The following VTI1A variants were observed in gnomAD, a reference collection of about 807,000 sequenced individuals.
The protein encoded by VTI1A is vesicle transport through interaction with t-SNAREs 1A.
In VTI1A, 22 loss-of-function variants were observed where a neutral mutation model predicts 34.9. The observed-to-expected ratio is 0.63, with a 90% CI of 0.45 to 0.90. The LOEUF is 0.90. Ranked by LOEUF, VTI1A falls within the 40% of genes least tolerant of loss-of-function variation. VTI1A has a pLI of 0.00. For missense variants in VTI1A, 268 were observed against 275.6 expected (o/e 0.97, Z 0.20); for synonymous variants, 87 against 97.3 (o/e 0.89, Z 0.62).
At chr10:112,734,476 T>C (rs1850383907) in intron 7 of VTI1A, among the ~76,000 whole-genome samples, 3 of 152,086 alleles carry the variant, frequency 2.0e-5, no homozygotes, top group Admixed American at 2.0e-4. Flanking sequence ...GAATTCCTCC[T>C]TTCTCCCTAA....
chr10:112,631,281 A>G (rs990918141), intron 5 of VTI1A, among the ~76,000 whole-genome samples: 2 of 152,212 alleles, frequency 1.3e-5, no homozygotes, highest in Admixed American at 6.5e-5. Flanking sequence ...CACGTAATAG[A>G]AAATTAACCA....
intron 3 of VTI1A, among the ~76,000 whole-genome samples, chr10:112,471,585 T>C (rs1221019622): frequency 6.6e-6 from 1 of 152,060 alleles, no homozygotes; most frequent in African/African-American, 2.4e-5. Flanking sequence ...TAAGCACCCG[T>C]TTTAATGTTC....
intron 5 of VTI1A, among the ~76,000 whole-genome samples, chr10:112,585,703 T>A (rs2134414076): frequency 7.3e-6 from 1 of 137,078 alleles, no homozygotes; most frequent in South Asian, 2.5e-4. Flanking sequence ...ACATACACCC[T>A]CGCCGCCTCT....
chr10:112,628,671 G>A (rs1187287528), intron 5 of VTI1A, among the ~76,000 whole-genome samples: 1 of 151,916 alleles, frequency 6.6e-6, no homozygotes, highest in African/African-American at 2.4e-5. Flanking sequence ...TCCTAGTATT[G>A]GATCATCCAT....
intron 7 of VTI1A, among the ~76,000 whole-genome samples, chr10:112,795,705 T>C (rs1164038475): frequency 6.6e-6 from 1 of 152,100 alleles, no homozygotes; most frequent in Non-Finnish European, 1.5e-5. Flanking sequence ...CCAAAGTGCT[T>C]AATTACAGGC....
At chr10:112,628,069 T>C (rs1380144746) in intron 5 of VTI1A, among the ~76,000 whole-genome samples, 1 of 152,126 alleles carries the variant, frequency 6.6e-6, no homozygotes, top group African/African-American at 2.4e-5. Flanking sequence ...AAAAATAAAA[T>C]TCTATTACAT....
At chr10:112,799,715 T>C (rs549425157) in intron 7 of VTI1A, among the ~76,000 whole-genome samples, 2 of 152,118 alleles carry the variant, frequency 1.3e-5, no homozygotes, top group Admixed American at 6.5e-5. Flanking sequence ...AGAGTTCACC[T>C]GCGCAGATCT....
At chr10:112,788,261 T>A (rs765258974) in intron 7 of VTI1A, among the ~76,000 whole-genome samples, 1 of 152,126 alleles carries the variant, frequency 6.6e-6, no homozygotes, top group Non-Finnish European at 1.5e-5. Flanking sequence ...TCTCTGAGTA[T>A]AATTGTTGAA....
chr10:112,507,393 T>C (rs967384562), intron 3 of VTI1A, among the ~76,000 whole-genome samples: 1 of 152,206 alleles, frequency 6.6e-6, no homozygotes, highest in East Asian at 1.9e-4. Flanking sequence ...CCCTGCTGCA[T>C]AGACTAAACC....
rs1853373262 is a variant in VTI1A at position 112,813,040 on chromosome 10, TG to T, written c.561-2249del. ...TTTGGGCAGTTCTCTTTTGAGTACC[TG>T]TGTGCAACGCGACTGTGCCATGTGC... is the stretch of plus-strand genomic sequence containing the variant. On this transcript the variant is annotated intron_variant, in intron 7 of 7. Coordinates refer to ENST00000393077, the MANE Select transcript of VTI1A (RefSeq NM_145206.4). 2.0e-5 allele frequency among the ~76,000 whole-genome samples: 3 copies of T among 152,360 alleles called. No homozygotes were observed. The South Asian group carries it at 6.2e-4, about 32-fold the overall frequency.
At chr10:112,832,523 ACTT>A in the VTI1A span, 28 of 152,398 alleles carry the variant, frequency 1.8e-4, no homozygotes, top group Admixed American at 1.1e-3. Flanking sequence ...CATCAGACTT[ACTT>A]CTTCTCTTTC....
chr10:112,488,678 C>T (rs1294124565), intron 3 of VTI1A, among the ~76,000 whole-genome samples: 1 of 152,144 alleles, frequency 6.6e-6, no homozygotes, highest in Admixed American at 6.5e-5. Flanking sequence ...AGGACTCTGG[C>T]TTCCTCTAAT....
At chr10:112,753,271 TATAATA>T (rs10566277) in intron 7 of VTI1A, among the ~76,000 whole-genome samples, 17 of 150,230 alleles carry the variant, frequency 1.1e-4, no homozygotes, top group African/African-American at 2.4e-4. Context: ...CTCTTTTAAA[TATAATA>T]ATAATAATAA....
chr10:112,598,422 T>C (rs1844752108), intron 5 of VTI1A, among the ~76,000 whole-genome samples: 1 of 152,254 alleles, frequency 6.6e-6, no homozygotes, highest in African/African-American at 2.4e-5. Context: ...GACATTTCTG[T>C]GAAGCATTTT....
At chr10:112,567,395 A>C (rs1394103646) in intron 5 of VTI1A, among the ~76,000 whole-genome samples, 1 of 152,210 alleles carries the variant, frequency 6.6e-6, no homozygotes, top group Non-Finnish European at 1.5e-5. Context: ...AAAGTGAATG[A>C]CAGTTCTTTT....
intron 7 of VTI1A, among the ~76,000 whole-genome samples, chr10:112,719,296 G>A (rs1376489393): frequency 6.6e-6 from 1 of 152,116 alleles, no homozygotes; most frequent in African/African-American, 2.4e-5. Context: ...GCAAAAATGG[G>A]TTTAAAGCAG....
chr10:112,703,423 C>T (rs1849077728), intron 7 of VTI1A, among the ~76,000 whole-genome samples: 1 of 152,014 alleles, frequency 6.6e-6, no homozygotes. Flanking sequence ...CAAAATTAGC[C>T]AGGCATGGTG....
At chr10:112,523,336 G>A (rs746522640) in intron 3 of VTI1A, among the ~76,000 whole-genome samples, 22 of 151,968 alleles carry the variant, frequency 1.4e-4, no homozygotes, top group Non-Finnish European at 2.5e-4. Context: ...CGAAATTCTC[G>A]CATTCATAAC....
intron 5 of VTI1A, among the ~76,000 whole-genome samples, chr10:112,634,736 A>T (rs1846278414): frequency 6.7e-6 from 1 of 149,010 alleles, no homozygotes; most frequent in East Asian, 2.0e-4. Context: ...TTTGACTCTC[A>T]CTCTTCCACA....
Sources: allele counts gnomAD v4.1 joint callset (sites outside exome capture counted in the v4.1 genomes callset), GRCh38; gene constraint gnomAD v4.1.1; transcripts MANE v1.5; gene names NCBI Gene and HGNC (gene_info 2026-07-23, HGNC 2026-07-21).